The following RTP5 variants were observed in gnomAD, a reference collection of about 807,000 sequenced individuals.
RTP5 encodes the protein receptor transporter protein 5 (putative), also known as receptor-transporting protein 5.
In RTP5, 30 loss-of-function variants were observed where a neutral mutation model predicts 23.5. The observed-to-expected ratio is 1.27, with a 90% CI of 0.95 to 1.73. The LOEUF (loss-of-function observed/expected upper bound fraction) is 1.73, where lower values mean the gene tolerates loss of function less well. RTP5 is among the 40% of genes most tolerant of loss of function. The pLI, the probability that RTP5 is intolerant of heterozygous loss-of-function variation, is 0.00. For synonymous variants in RTP5, 354 were observed against 342.1 expected, an observed-to-expected ratio of 1.03 and a Z score of -0.38; for missense variants, 807 against 784.2, an observed-to-expected ratio of 1.03 and a Z score of -0.35.
Position 241,870,027 on chromosome 2 carries a change from C to T in RTP5, c.158+113C>T, listed in dbSNP as rs372925586. On this transcript the variant is annotated intron_variant, in intron 1 of 1. Coordinates refer to ENST00000343216, the MANE Select transcript of RTP5 (RefSeq NM_173821.3). ...GGGCTGTTGGGCCTCGTCTTGTCCC[C>T]GAGACGGGAGGGTGGGGCTGGGTGC... 122 of 944,368 alleles carry T rather than the reference C, an allele frequency of 1.3e-4. No individual in the cohort carries two copies. The African/African-American group carries it at 1.6e-3, about 13-fold the overall frequency. The allele number at this position is 944,368 out of a possible 1,614,324, so 58.5% of individuals were successfully genotyped here. A position where few individuals can be genotyped will look rare whatever the true frequency, so the allele number is the denominator to read the frequency against.
At position 241,873,351 on chromosome 2, in the gene RTP5, AT is replaced by A. The variant is rs1295192948; in HGVS notation, c.*78del. 5.7e-6 allele frequency: 8 copies of A among 1,395,728 alleles called. No homozygotes were observed. The highest frequency in any genetic ancestry group is 6.5e-6 in the Non-Finnish European group (7 of 1,075,352). 86.5% of individuals were successfully genotyped at this position (1,395,728 alleles called of 1,614,324 possible). On this transcript the variant is annotated 3_prime_UTR_variant, in exon 2 of 2. Transcript: ENST00000343216. ...GACACCCCCCAACCCCGCCTTTGAGATGCCCGCCCCGCCTCCGAGACCCCGC... is the reference window on the plus strand; with the variant it reads ...GACACCCCCCAACCCCGCCTTTGAGAGCCCGCCCCGCCTCCGAGACCCCGC...
In RTP5 at chr2:241,872,016, T is replaced by C. The variant is rs746312926; in HGVS notation, c.461T>C (p.Leu154Pro). ...CEACELGVCF[L>P]QKAPDPAWSA... ...GCCTGTGAGCTGGGGGTCTGCTTCC[T>C]CCAGAAGGCCCCAGACCCCGCCTGG... is the stretch of plus-strand genomic sequence containing the variant. Residue 154 changes from leucine to proline, a missense_variant, in exon 2 of 2, where the codon CTC (leucine) becomes CCC (proline). Transcript: ENST00000343216. The C allele has an allele frequency of 6.4e-7, 1 of 1,573,588 alleles. No individual in the cohort carries two copies. Among genetic ancestry groups the C allele is most frequent in the South Asian group, 1.1e-5 (1 of 87,554 alleles).
chr2:241,869,796 A>C lies in RTP5; in HGVS notation c.40A>C (p.Thr14Pro). 6.5e-7 allele frequency: 1 copy of C among 1,544,624 alleles called. No homozygotes were observed. Among genetic ancestry groups the C allele is most frequent in the African/African-American group, 1.4e-5 (1 of 72,902 alleles). Residue 14 changes from threonine to proline, a missense_variant, in exon 1 of 2, where the codon ACC (threonine) becomes CCC (proline). Transcript: ENST00000343216. ...AGADMWASTFTLAMAERKPQD... is the reference protein window; with the variant it reads ...AGADMWASTFPLAMAERKPQD... The stretch of plus-strand genomic sequence containing the variant: ...GGCAGACATGTGGGCCAGCACCTTC[A>C]CCCTGGCCATGGCCGAGAGGAAGCC...
chr2:241,871,615 C>T, intron 1 of RTP5, 99 bp from the exon 2 acceptor site: 1 of 1,405,580 alleles, frequency 7.1e-7, no homozygotes, highest in East Asian at 2.6e-5. Flanking sequence ...CAGCGAGGCG[C>T]TGGGGTCGGA....
rs1701364741 is a variant in RTP5, at chr2:241,873,344, CTTTGAGATGCCCG to C, written c.*71_*83del. The C allele has an allele frequency of 6.7e-7, 1 of 1,483,556 alleles. No individual in the cohort carries two copies. Among genetic ancestry groups the C allele is most frequent in the Non-Finnish European group, 9.0e-7 (1 of 1,116,878 alleles). 91.9% of individuals were successfully genotyped at this position (1,483,556 alleles called of 1,614,324 possible). A position where few individuals can be genotyped will look rare whatever the true frequency, so the allele number is the denominator to read the frequency against. On this transcript the variant is annotated 3_prime_UTR_variant, in exon 2 of 2. Transcript: ENST00000343216. The stretch of plus-strand genomic sequence containing the variant: ...CCTCTGAGACACCCCCCAACCCCGC[CTTTGAGATGCCCG>C]CCCCGCCTCCGAGACCCCGCCTCCA...
At position 241,873,668 on chromosome 2, in the gene RTP5, C is replaced by T; in HGVS notation, c.*394C>T. On this transcript the variant is annotated 3_prime_UTR_variant, in exon 2 of 2. Transcript: ENST00000343216. ...CCCGCCTCCGAGACCCCGCCCCCCGCCTCCGAGACCCCGCCTCACCTCTGA... is the reference window on the plus strand; with the variant it reads ...CCCGCCTCCGAGACCCCGCCCCCCGTCTCCGAGACCCCGCCTCACCTCTGA... The T allele has an allele frequency of 5.9e-6, 1 of 168,852 alleles. No individual in the cohort carries two copies. The highest frequency in any genetic ancestry group is 1.1e-5 in the Non-Finnish European group (1 of 93,764). The allele number at this position is 168,852 out of a possible 1,614,324, so 10.5% of individuals were successfully genotyped here. A position where few individuals can be genotyped will look rare whatever the true frequency, so the allele number is the denominator to read the frequency against.
chr2:241,872,882 G>A lies in RTP5; in HGVS notation c.1327G>A (p.Glu443Lys). 1.2e-6 allele frequency: 2 copies of A among 1,612,912 alleles called. No homozygotes were observed. The highest frequency in any genetic ancestry group is 1.7e-6 in the Non-Finnish European group (2 of 1,180,004). Residue 443 changes from glutamate to lysine, a missense_variant, in exon 2 of 2, where the codon GAG (glutamate) becomes AAG (lysine). Physicochemically the swap from Glu to Lys is moderately conservative, Grantham distance 56. Transcript: ENST00000343216. ...DAFTDITEGK[E>K]KEGGLVTAGH... The stretch of plus-strand genomic sequence containing the variant: ...CTTTACTGACATCACTGAAGGCAAA[G>A]AGAAGGAAGGTGGCCTGGTCACCGC...
chr2:241,870,116 C>T (rs557413385), intron 1 of RTP5, among the ~76,000 whole-genome samples: 8 of 152,310 alleles, frequency 5.3e-5, no homozygotes, highest in Admixed American at 1.3e-4. Flanking sequence ...GCAGGGGTCC[C>T]GGGGAAGACA....
Position 241,869,825 on chromosome 2 carries a change from G to A in RTP5, c.69G>A (p.Gln23=), listed in dbSNP as rs1232472401. The A allele has an allele frequency of 6.4e-7, 1 of 1,571,188 alleles. No homozygotes were observed. Among genetic ancestry groups the A allele is most frequent in the Non-Finnish European group, 8.6e-7 (1 of 1,160,134 alleles). Residue 23 remains glutamine (Q), a synonymous_variant, in exon 1 of 2, where the codon CAG becomes CAA. Coordinates refer to ENST00000343216, the MANE Select transcript of RTP5 (RefSeq NM_173821.3). ...TGGCCATGGCCGAGAGGAAGCCCCA[G>A]GACGTCTGGGTTCTGCTACCTGAGC... ...FTLAMAERKP[Q]DVWVLLPEHS...
Position 241,873,107 on chromosome 2 carries a change from C to G in RTP5, c.1552C>G (p.Arg518Gly). 6.2e-7 allele frequency: 1 copy of G among 1,612,700 alleles called. No homozygotes were observed. Among genetic ancestry groups the G allele is most frequent in the Non-Finnish European group, 8.5e-7 (1 of 1,179,948 alleles). ...GCTGAGGTCCAGGTTCCACAAGGCC[C>G]GCTGTGGGTGCCGCCGGGAGGAAGA... ...RQLRSRFHKA[R>G]CGCRREEDER... The change falls in exon 2 of 2, where the codon CGC becomes GGC. Residue 518 changes from arginine to glycine, a missense_variant. Physicochemically the swap from Arg to Gly is moderately radical, Grantham distance 125. Transcript: ENST00000343216.
At position 241,872,128 on chromosome 2, in the gene RTP5, T is replaced by C; in HGVS notation, c.573T>C (p.Pro191=). ...CCAGGGGCAAACCGCTGTCCACCCC[T>C]GGCGACGACCTTGGCAAGGGTGGCG... The part of the protein sequence containing the change: ...TVSRGKPLST[P]GDDLGKGGVV... The change falls in exon 2 of 2, where the codon CCT becomes CCC. Residue 191 remains proline (P), a synonymous_variant. Transcript: ENST00000343216. 6.2e-7 allele frequency: 1 copy of C among 1,609,182 alleles called. No individual in the cohort carries two copies. Among genetic ancestry groups the C allele is most frequent in the African/African-American group, 1.3e-5 (1 of 75,014 alleles).
rs371424823 is a variant in RTP5, at chr2:241,871,776, T to C, written c.221T>C (p.Leu74Pro). The C allele has an allele frequency of 6.3e-7, 1 of 1,594,664 alleles. No individual in the cohort carries two copies. Among genetic ancestry groups the C allele is most frequent in the Non-Finnish European group, 8.5e-7 (1 of 1,171,508 alleles). The change falls in exon 2 of 2, where the codon CTG becomes CCG. Residue 74 changes from leucine to proline, a missense_variant. Leu to Pro is a moderately conservative substitution (Grantham distance 98, BLOSUM62 -3). Transcript: ENST00000343216. ...DSAHVHVLFHLWWDRASHRGL... is the reference protein window; with the variant it reads ...DSAHVHVLFHPWWDRASHRGL... ...GCCCATGTGCACGTCCTCTTCCACC[T>C]GTGGTGGGACAGGGCCAGCCACCGG...
Position 241,872,528 on chromosome 2 carries a change from G to A in RTP5, c.973G>A (p.Val325Met), listed in dbSNP as rs1271681220. The change falls in exon 2 of 2, where the codon GTG (valine) becomes ATG (methionine). Residue 325 changes from valine (V) to methionine (M), a missense_variant. Coordinates refer to ENST00000343216, the MANE Select transcript of RTP5 (RefSeq NM_173821.3). ...CCCTGTGGGGAAACACACGCCAACC[G>A]TGTTCTACTGTGTGGGCCTCTCGGC... is the stretch of plus-strand genomic sequence containing the variant. ...LVPVGKHTPT[V>M]FYCVGLSASG... 10 of 1,576,980 alleles carry A rather than the reference G, an allele frequency of 6.3e-6. No homozygotes were observed. In the African/African-American group the frequency reaches 6.8e-5, roughly 11 times the overall value.
rs28378061 is a variant in RTP5, at chr2:241,872,208, T to C, written c.653T>C (p.Ile218Thr). 0.13 allele frequency: 210,804 copies of C among 1,611,062 alleles called. 22,623 individuals are homozygous for C. Among genetic ancestry groups the C allele is most frequent in the East Asian group, 0.64 (28,724 of 44,764 alleles). The stretch of plus-strand genomic sequence containing the variant: ...GGTACCAGCAATGACCAGGTGCCCA[T>C]CGCTGAGGGCCCTGCCCCCCCTGCG... ...LVGTSNDQVP[I>T]AEGPAPPAGA... is the part of the protein sequence containing the mutation. Residue 218 changes from isoleucine (I) to threonine (T), a missense_variant, in exon 2 of 2, where the codon ATC (isoleucine) becomes ACC (threonine). By Grantham distance (89) the Ile-to-Thr change is moderately conservative. Transcript: ENST00000343216.
intron 1 of RTP5, 46 bp from the exon 2 acceptor site, chr2:241,871,668 G>C: frequency 6.5e-7 from 1 of 1,534,834 alleles, no homozygotes; most frequent in Non-Finnish European, 8.8e-7. Context: ...GCTGGGCGTG[G>C]GGCCTCTTTC....
intron 1 of RTP5, among the ~76,000 whole-genome samples, chr2:241,871,347 C>T (rs539254579): frequency 1.1e-4 from 17 of 152,370 alleles, no homozygotes; most frequent in Admixed American, 6.5e-4. Context: ...GGCAGGCTGC[C>T]GACGCCTCAC....
Position 241,872,294 on chromosome 2 carries a change from T to A in RTP5, c.739T>A (p.Phe247Ile). 6.3e-7 allele frequency: 1 copy of A among 1,599,800 alleles called. No individual in the cohort carries two copies. Among genetic ancestry groups the A allele is most frequent in the Non-Finnish European group, 8.5e-7 (1 of 1,172,038 alleles). Reference sequence around the variant, plus strand: ...CCTGGTCATCGGCCAGGGCTCCATCTTCCTGTCTGGGGATTCAGTGGCCAT... The same window carrying A: ...CCTGGTCATCGGCCAGGGCTCCATCATCCTGTCTGGGGATTCAGTGGCCAT... ...EALVIGQGSI[F>I]LSGDSVAMPG... Residue 247 changes from phenylalanine to isoleucine, a missense_variant, in exon 2 of 2, where the codon TTC (phenylalanine) becomes ATC (isoleucine). Coordinates refer to ENST00000343216, the MANE Select transcript of RTP5 (RefSeq NM_173821.3).
At chr2:241,870,034 G>A in intron 1 of RTP5, 120 bp downstream of exon 1, 1 of 1,024,638 alleles carries the variant, frequency 9.8e-7, no homozygotes, top group Non-Finnish European at 1.3e-6. Flanking sequence ...CCCCGAGACG[G>A]GAGGGTGGGG....
Position 241,872,113 on chromosome 2 carries a change from A to G in RTP5, c.558A>G (p.Lys186=). The G allele has an allele frequency of 6.2e-7, 1 of 1,601,868 alleles. No homozygotes were observed. Among genetic ancestry groups the G allele is most frequent in the Non-Finnish European group, 8.5e-7 (1 of 1,172,280 alleles). The stretch of plus-strand genomic sequence containing the variant: ...GCACTGGCACCGTCTCCAGGGGCAA[A>G]CCGCTGTCCACCCCTGGCGACGACC... ...WGGTGTVSRG[K]PLSTPGDDLG... is the part of the protein sequence containing the mutation. Residue 186 remains lysine, a synonymous_variant, in exon 2 of 2, where the codon AAA becomes AAG. Transcript: ENST00000343216.
Sources: allele counts gnomAD v4.1 joint callset (sites outside exome capture counted in the v4.1 genomes callset), GRCh38; gene constraint gnomAD v4.1.1; transcripts MANE v1.5; gene names NCBI Gene and HGNC (gene_info 2026-07-23, HGNC 2026-07-21).